The following CSMD3 variants were observed in gnomAD, a reference collection of about 807,000 sequenced individuals.
The protein encoded by CSMD3 is CUB and sushi domain-containing protein 3.
CSMD3 carries 177 observed loss-of-function variants against 435.2 expected under a neutral mutation model. The observed-to-expected ratio is 0.41, with a 90% CI of 0.36 to 0.46. The LOEUF is 0.46. CSMD3 is among the 20% of genes least tolerant of loss of function. The pLI is 0.34. For synonymous variants in CSMD3, 1,656 were observed against 1,520.5 expected, an observed-to-expected ratio of 1.09 and a Z score of -2.07; for missense variants, 4,265 against 4,504.6, an observed-to-expected ratio of 0.95 and a Z score of 1.52.
At chr8:112,387,018 A>G (rs538398848) in intron 36 of CSMD3, among the ~76,000 whole-genome samples, 4 of 152,302 alleles carry the variant, frequency 2.6e-5, no homozygotes, top group South Asian at 4.1e-4. Context: ...TGTAGCCAAC[A>G]TATTTTCCCC....
At position 112,380,538 on chromosome 8, in the gene CSMD3, A is replaced by G. The variant is rs189149240; in HGVS notation, c.6032-82T>C. 2.2e-4 allele frequency: 173 copies of G among 772,612 alleles called. No homozygotes were observed. In the Admixed American group the frequency reaches 3.0e-3, roughly 14 times the overall value. The allele number at this position is 772,612 out of a possible 1,614,324, so 47.9% of individuals were successfully genotyped here. Reference sequence around the variant, plus strand: ...ATTAAGTAAGTTTACTAATCAGCCAATAGAATACCACTAAAAATATGCATT... The same window carrying G: ...ATTAAGTAAGTTTACTAATCAGCCAGTAGAATACCACTAAAAATATGCATT... On this transcript the variant is annotated intron_variant, in intron 37 of 70. Transcript: ENST00000297405.
At chr8:112,311,596 A>G (rs1486972109) in intron 49 of CSMD3, among the ~76,000 whole-genome samples, 6 of 152,194 alleles carry the variant, frequency 3.9e-5, no homozygotes, top group Admixed American at 3.9e-4. Flanking sequence ...CTACCATGTT[A>G]GGTCATACAT....
chr8:113,350,297 T>A (rs2094181490), intron 1 of CSMD3, among the ~76,000 whole-genome samples: 1 of 152,116 alleles, frequency 6.6e-6, no homozygotes, highest in South Asian at 2.1e-4. Flanking sequence ...TTGCATTAGA[T>A]AACTGACATA....
chr8:112,800,781 C>T (rs2078942696), intron 12 of CSMD3, among the ~76,000 whole-genome samples: 1 of 151,980 alleles, frequency 6.6e-6, no homozygotes, highest in Admixed American at 6.6e-5. Flanking sequence ...ATAGGCTGCC[C>T]ATGTCACATA....
At chr8:113,333,426 T>G (rs542984886) in intron 1 of CSMD3, among the ~76,000 whole-genome samples, 2 of 151,980 alleles carry the variant, frequency 1.3e-5, no homozygotes, top group East Asian at 3.9e-4. Flanking sequence ...CACATTTAAG[T>G]TGTGATCTGT....
At chr8:113,193,727 T>C (rs1320141002) in intron 3 of CSMD3, among the ~76,000 whole-genome samples, 2 of 151,462 alleles carry the variant, frequency 1.3e-5, no homozygotes, top group Non-Finnish European at 3.0e-5. Context: ...AAATAAACTA[T>C]GATGTGGACA....
rs755966940 is a variant in CSMD3, at chr8:112,265,588, T to C, written c.9511A>G (p.Ile3171Val). The C allele has an allele frequency of 6.2e-7, 1 of 1,606,038 alleles. No individual in the cohort carries two copies. The highest frequency in any genetic ancestry group is 1.7e-5 in the Admixed American group (1 of 59,962). Residue 3171 changes from isoleucine to valine, a missense_variant and splice_region_variant, in exon 60 of 71, where the codon ATC becomes GTC. Ile to Val is a conservative substitution (Grantham distance 29). Coordinates refer to ENST00000297405, the MANE Select transcript of CSMD3 (RefSeq NM_198123.2). ...WSGTLPNCTI[I>V]SCGDPGIPAN... ...GGTATACCTGGGTCTCCACAACTGA[T>C]TACTGTCAGTATTGGATTAGAAGAG...
intron 10 of CSMD3, among the ~76,000 whole-genome samples, chr8:112,905,306 GTATA>G (rs543479550): frequency 7.7e-6 from 1 of 129,824 alleles, no homozygotes; most frequent in Non-Finnish European, 1.7e-5. Context: ...TATACTATGT[GTATA>G]TATATATATA....
At position 112,869,391 on chromosome 8, in the gene CSMD3, T is replaced by A. The variant is rs188386969; in HGVS notation, c.1634-10125A>T. Reference sequence around the variant, plus strand: ...ATCTATGACCCCAAAATAAAATTAATGTTTTTATTATTTATTGATCAAATA... The same window carrying A: ...ATCTATGACCCCAAAATAAAATTAAAGTTTTTATTATTTATTGATCAAATA... On this transcript the variant is annotated intron_variant, in intron 10 of 70. Coordinates refer to ENST00000297405, the MANE Select transcript of CSMD3 (RefSeq NM_198123.2). Among the ~76,000 whole-genome samples the A allele has an allele frequency of 9.2e-3, 1,394 of 152,304 alleles. 9 individuals carry two copies. Among genetic ancestry groups the A allele is most frequent in the Non-Finnish European group, 0.014 (952 of 68,018 alleles).
chr8:112,353,971 C>A (rs1192579159), intron 38 of CSMD3, among the ~76,000 whole-genome samples: 1 of 152,118 alleles, frequency 6.6e-6, no homozygotes, highest in Non-Finnish European at 1.5e-5. Context: ...AAACCAACTC[C>A]AGTAGCATAT....
chr8:112,255,752 G>T (rs1402986719), intron 61 of CSMD3: 2 of 325,540 alleles, frequency 6.1e-6, no homozygotes, highest in Non-Finnish European at 1.1e-5. Context: ...CTGCCAAGGT[G>T]GAGTATAGCC....
At chr8:112,258,017 A>G (rs1162645898) in intron 61 of CSMD3, among the ~76,000 whole-genome samples, 1 of 152,194 alleles carries the variant, frequency 6.6e-6, no homozygotes, top group Non-Finnish European at 1.5e-5. Context: ...CCTGACAAAA[A>G]CAAGCAATAG....
chr8:113,413,596 T>C (rs2094568971), intron 1 of CSMD3, among the ~76,000 whole-genome samples: 1 of 152,156 alleles, frequency 6.6e-6, no homozygotes, highest in Non-Finnish European at 1.5e-5. Flanking sequence ...AAATGATGAT[T>C]ATCCGAAATG....
rs754429562 is a variant in CSMD3, at chr8:112,287,058, G to A, written c.9331+6C>T. 45 of 1,610,958 alleles carry A rather than the reference G, an allele frequency of 2.8e-5. No individual in the cohort carries two copies. Among genetic ancestry groups the A allele is most frequent in the Admixed American group, 6.7e-5 (4 of 59,836 alleles). On this transcript the variant is annotated splice_donor_region_variant and intron_variant, in intron 58 of 70. Coordinates refer to ENST00000297405, the MANE Select transcript of CSMD3 (RefSeq NM_198123.2). ...TGCAATATATTTAATTTCTGCTTGA[G>A]ATTACCTTTGCACTCTGGCTGCCTT...
Position 112,255,326 on chromosome 8 carries a change from T to G in CSMD3, c.9964A>C (p.Ile3322Leu), listed in dbSNP as rs1347376797. The stretch of plus-strand genomic sequence containing the variant: ...ATTCTGGTGCTTGATCCCACTAATA[T>G]GAAAGGAAAATTGCAGCTGAATGAA... ...EVSFSCNFPF[I>L]LVGSSTRICQ... The change falls in exon 62 of 71, where the codon ATA (isoleucine) becomes CTA (leucine). Residue 3322 changes from isoleucine to leucine, a missense_variant. Ile to Leu is a conservative substitution (Grantham distance 5, BLOSUM62 2). Coordinates refer to ENST00000297405, the MANE Select transcript of CSMD3 (RefSeq NM_198123.2). 3 of 1,613,552 alleles carry G rather than the reference T, an allele frequency of 1.9e-6. No individual in the cohort carries two copies. In the East Asian group the frequency reaches 6.7e-5, roughly 36 times the overall value.
chr8:112,598,517 A>C (rs1047734826), intron 22 of CSMD3, among the ~76,000 whole-genome samples: 47 of 149,806 alleles, frequency 3.1e-4, no homozygotes, highest in African/African-American at 1.1e-3. Flanking sequence ...GGAAAAAACT[A>C]CTTTAAAGTT....
rs192635897 is a variant in CSMD3 at position 112,373,229 on chromosome 8, A to C, written c.6136+7123T>G. On this transcript the variant is annotated intron_variant, in intron 38 of 70. Transcript: ENST00000297405. ...CTATCCTTTTTTATAGAAAACCTTA[A>C]AGTGTTCTGCATCTGTTGCTGGTAT... Among the ~76,000 whole-genome samples the C allele has an allele frequency of 3.3e-3, 496 of 151,998 alleles. 4 individuals carry two copies. Among genetic ancestry groups the C allele is most frequent in the African/African-American group, 0.012 (483 of 41,448 alleles).
chr8:113,261,580 A>G (rs2093427773), intron 3 of CSMD3, among the ~76,000 whole-genome samples: 1 of 152,022 alleles, frequency 6.6e-6, no homozygotes, highest in South Asian at 2.1e-4. Flanking sequence ...CATGTGTGAT[A>G]AGTGTCACTT....
intron 32 of CSMD3, among the ~76,000 whole-genome samples, chr8:112,428,447 C>T (rs2130366474): frequency 6.6e-6 from 1 of 152,184 alleles, no homozygotes; most frequent in South Asian, 2.1e-4. Context: ...AACCTGAAAA[C>T]TTGATCTCAA....
Sources: allele counts gnomAD v4.1 joint callset (sites outside exome capture counted in the v4.1 genomes callset), GRCh38; gene constraint gnomAD v4.1.1; transcripts MANE v1.5; gene names NCBI Gene and HGNC (gene_info 2026-07-23, HGNC 2026-07-21).